ANKS1B: variants seen among roughly 807,000 people sequenced by gnomAD.
The protein encoded by ANKS1B is ankyrin repeat and sterile alpha motif domain containing 1B, also known as ankyrin repeat and sterile alpha motif domain-containing protein 1B.
A neutral mutation model predicts 148.3 loss-of-function variants in ANKS1B; 36 were observed. That is an observed-to-expected ratio of 0.24 (90% CI 0.19 to 0.32). ANKS1B has a LOEUF of 0.32. ANKS1B is among the 10% of genes least tolerant of loss of function. ANKS1B has a pLI of 1.00. For missense variants in ANKS1B, 1,157 were observed against 1,542.6 expected, an observed-to-expected ratio of 0.75 and a Z score of 4.19; for synonymous variants, 542 against 560.8, an observed-to-expected ratio of 0.97 and a Z score of 0.47.
rs188258532 is a variant in ANKS1B, at chr12:98,913,262, A to G, written c.2779-81126T>C. 3.5e-4 allele frequency among the ~76,000 whole-genome samples: 53 copies of G among 152,252 alleles called. No homozygotes were observed. In the East Asian group the frequency reaches 8.3e-3, roughly 24 times the overall value. On this transcript the variant is annotated intron_variant, in intron 17 of 26. Transcript: ENST00000683438. ...CTGATTTCCATGTAACAATGTACCA[A>G]TCATGTACCAGTGATTTCCACCTAG...
At chr12:98,886,646 C>G (rs969651782) in intron 17 of ANKS1B, among the ~76,000 whole-genome samples, 1 of 152,122 alleles carries the variant, frequency 6.6e-6, no homozygotes. Flanking sequence ...CATCCAACAC[C>G]TCCACATATC....
At chr12:98,948,385 G>T (rs2099848618) in intron 17 of ANKS1B, among the ~76,000 whole-genome samples, 1 of 152,154 alleles carries the variant, frequency 6.6e-6, no homozygotes, top group South Asian at 2.1e-4. Flanking sequence ...AGCAAACAGT[G>T]GGGGGACCTT....
intron 15 of ANKS1B, among the ~76,000 whole-genome samples, chr12:99,113,237 G>A (rs1337956063): frequency 3.3e-5 from 5 of 151,906 alleles, no homozygotes; most frequent in Non-Finnish European, 5.9e-5. Flanking sequence ...TAAACTTAAC[G>A]TGTCCTCAAT....
At chr12:98,922,315 C>T (rs539552706) in intron 17 of ANKS1B, among the ~76,000 whole-genome samples, 6 of 152,206 alleles carry the variant, frequency 3.9e-5, no homozygotes, top group African/African-American at 1.4e-4. Flanking sequence ...AGTCTACACG[C>T]TTTTTAGTGA....
Position 99,825,308 on chromosome 12 carries a change from C to A in ANKS1B, c.215+1G>T. ...ATTCCGTCCAAATAAGTGGCACTTA[C>A]TTATGTCCATTTAAGGCTGCGTGGT... is the stretch of plus-strand genomic sequence containing the variant. On this transcript the variant is annotated splice_donor_variant, in intron 2 of 26. Transcript: ENST00000683438. LOFTEE classifies it high-confidence loss of function. The A allele has an allele frequency of 6.2e-7, 1 of 1,611,070 alleles. No individual in the cohort carries two copies. The highest frequency in any genetic ancestry group is 8.5e-7 in the Non-Finnish European group (1 of 1,178,120).
At chr12:99,261,167 C>T (rs556875973) in intron 12 of ANKS1B, among the ~76,000 whole-genome samples, 1 of 152,262 alleles carries the variant, frequency 6.6e-6, no homozygotes, top group African/African-American at 2.4e-5. Context: ...CCTACCTCCA[C>T]CGAATAGCCC....
intron 15 of ANKS1B, among the ~76,000 whole-genome samples, chr12:99,118,493 G>A (rs558662903): frequency 6.6e-5 from 10 of 152,036 alleles, no homozygotes; most frequent in Admixed American, 1.3e-4. Context: ...ACTGTACAGC[G>A]CCTGGTGTTC....
chr12:98,895,569 C>T (rs2099763213), intron 17 of ANKS1B, among the ~76,000 whole-genome samples: 1 of 152,230 alleles, frequency 6.6e-6, no homozygotes, highest in South Asian at 2.1e-4. Flanking sequence ...CAGGAGACGC[C>T]TCGGCAGTCC....
At chr12:99,885,364 G>T (rs531731073) in intron 1 of ANKS1B, among the ~76,000 whole-genome samples, 2 of 141,880 alleles carry the variant, frequency 1.4e-5, no homozygotes, top group Admixed American at 1.5e-4. Context: ...GCAGTGGCCC[G>T]ATCTTGGCTC....
chr12:99,606,927 G>T (rs916845212), intron 9 of ANKS1B, among the ~76,000 whole-genome samples: 2 of 152,048 alleles, frequency 1.3e-5, no homozygotes, highest in Admixed American at 1.3e-4. Context: ...CCTCCCCATT[G>T]TTCACCCCAG....
chr12:99,748,708 G>A (rs1422111487), intron 8 of ANKS1B, among the ~76,000 whole-genome samples: 1 of 152,052 alleles, frequency 6.6e-6, no homozygotes, highest in East Asian at 1.9e-4. Context: ...GTTCTCTGAA[G>A]AAAGATAAAA....
intron 17 of ANKS1B, among the ~76,000 whole-genome samples, chr12:98,948,750 G>A (rs199722511): frequency 7.0e-6 from 1 of 142,038 alleles, no homozygotes; most frequent in Non-Finnish European, 1.5e-5. Flanking sequence ...CTCTCTCTCT[G>A]TCTCTCACAC....
At chr12:99,028,586 G>T (rs1401211986) in intron 17 of ANKS1B, among the ~76,000 whole-genome samples, 1 of 152,174 alleles carries the variant, frequency 6.6e-6, no homozygotes, top group Non-Finnish European at 1.5e-5. Context: ...CACAAGATTG[G>T]AAATTATAAG....
intron 15 of ANKS1B, among the ~76,000 whole-genome samples, chr12:99,143,947 T>G (rs183326255): frequency 7.9e-5 from 12 of 152,198 alleles, no homozygotes; most frequent in Admixed American, 7.9e-4. Context: ...GGACTCAGAT[T>G]GACCTCAGTT....
At chr12:98,745,974 A>C (rs1215686000) in intron 26 of ANKS1B, 125 bp from the exon 27 acceptor site, 1 of 1,030,850 alleles carries the variant, frequency 9.7e-7, no homozygotes, top group Non-Finnish European at 1.3e-6. Context: ...ATGCTGGTCT[A>C]GGCGGCTCGC....
At chr12:98,922,805 G>A (rs916678099) in intron 17 of ANKS1B, among the ~76,000 whole-genome samples, 2 of 152,036 alleles carry the variant, frequency 1.3e-5, no homozygotes, top group Non-Finnish European at 2.9e-5. Context: ...GGCTCTTAAG[G>A]GCTTAATGTG....
At chr12:99,561,932 A>T (rs1414183942) in intron 9 of ANKS1B, among the ~76,000 whole-genome samples, 3 of 152,232 alleles carry the variant, frequency 2.0e-5, no homozygotes, top group African/African-American at 7.2e-5. Flanking sequence ...CCATCAAAGG[A>T]ATCATTATCT....
At chr12:99,194,154 C>A (rs113879672) in intron 14 of ANKS1B, among the ~76,000 whole-genome samples, 10,464 of 152,020 alleles carry the variant, frequency 0.069, 766 homozygotes, top group African/African-American at 0.19. Context: ...TAAGTTTAAC[C>A]AGAATACATT....
chr12:99,680,937 CA>C (rs1417240351), intron 8 of ANKS1B, among the ~76,000 whole-genome samples: 2 of 150,358 alleles, frequency 1.3e-5, no homozygotes, highest in Non-Finnish European at 2.9e-5. Flanking sequence ...CCCCTAAGAA[CA>C]TAACTCCATT....
Sources: allele counts gnomAD v4.1 joint callset (sites outside exome capture counted in the v4.1 genomes callset), GRCh38; gene constraint gnomAD v4.1.1; transcripts MANE v1.5; gene names NCBI Gene and HGNC (gene_info 2026-07-23, HGNC 2026-07-21).